Variants in RNF216 observed in about 807,000 individuals in gnomAD.
The protein encoded by RNF216 is E3 ubiquitin-protein ligase RNF216.
Under a neutral mutation model 110.8 loss-of-function variants are expected in RNF216, and 72 were observed. That is an observed-to-expected ratio of 0.65 (90% CI 0.54 to 0.79). The LOEUF is 0.79. RNF216 is among the 30% of genes least tolerant of loss of function. RNF216 has a pLI of 0.00. For synonymous variants in RNF216, 495 were observed against 407.5 expected (o/e 1.21, Z -2.59); for missense variants, 1,342 against 1,141.2 (o/e 1.18, Z -2.54).
In RNF216 at chr7:5,680,703, T is replaced by C. The variant is rs778006798; in HGVS notation, c.2062-28193A>G. On this transcript the variant is annotated intron_variant, in intron 13 of 16. Transcript: ENST00000389902. The surrounding 1 kb of genome is among the most constrained non-coding windows in gnomAD (Gnocchi z 4.3). ...AGGTGTGAGCCACCGCGCCCAGCAC[T>C]CAACACTTCTACTTGGATATCTAAA... Among the ~76,000 whole-genome samples the C allele has an allele frequency of 3.9e-5, 6 of 151,940 alleles. No homozygotes were observed. The highest frequency in any genetic ancestry group is 5.9e-5 in the Non-Finnish European group (4 of 67,994).
chr7:5,718,916 C>A (rs1793237671), intron 9 of RNF216, among the ~76,000 whole-genome samples: 1 of 152,026 alleles, frequency 6.6e-6, no homozygotes, highest in South Asian at 2.1e-4. Flanking sequence ...CCTTGGCCTC[C>A]CAAAGTGCTG....
Position 5,739,244 on chromosome 7 carries a change from C to G in RNF216, c.1121+32G>C, listed in dbSNP as rs535974237. On this transcript the variant is annotated intron_variant, in intron 5 of 16. Transcript: ENST00000389902. ...TACATATATTTTACCACCACCACCA[C>G]CACCACAAAAAAAGCATGGTAGTAT... 25 of 1,508,414 alleles carry G rather than the reference C, an allele frequency of 1.7e-5. No individual in the cohort carries two copies. The African/African-American group carries it at 2.7e-4, about 16-fold the overall frequency. The allele number at this position is 1,508,414 out of a possible 1,614,324, so 93.4% of individuals were successfully genotyped here.
At chr7:5,630,265 A>C (rs1444935217) in intron 15 of RNF216, among the ~76,000 whole-genome samples, 2 of 152,250 alleles carry the variant, frequency 1.3e-5, no homozygotes, top group East Asian at 1.9e-4. Context: ...CACGGGAAGA[A>C]CTACAACTCT....
At chr7:5,658,817 T>C (rs998332371) in intron 13 of RNF216, among the ~76,000 whole-genome samples, 7 of 152,146 alleles carry the variant, frequency 4.6e-5, no homozygotes, top group Non-Finnish European at 7.4e-5. Flanking sequence ...AATAAACACA[T>C]ACGCTGGGGG....
chr7:5,701,920 C>T (rs1053317766), intron 13 of RNF216, among the ~76,000 whole-genome samples: 101 of 152,296 alleles, frequency 6.6e-4, no homozygotes, highest in African/African-American at 2.3e-3. Context: ...ACAGGAGGTT[C>T]GTGACTGGTC....
intron 1 of RNF216, among the ~76,000 whole-genome samples, chr7:5,773,452 A>G (rs960004458): frequency 6.6e-6 from 1 of 152,180 alleles, no homozygotes; most frequent in Non-Finnish European, 1.5e-5. Flanking sequence ...CATGTTGGCC[A>G]GGCTGGTTTC....
At chr7:5,710,620 T>C (rs1340076537) in intron 13 of RNF216, among the ~76,000 whole-genome samples, 3 of 152,236 alleles carry the variant, frequency 2.0e-5, no homozygotes, top group South Asian at 2.1e-4. Context: ...CTCAGGACAG[T>C]GTGCTGCATG....
At chr7:5,711,739 AG>A in intron 13 of RNF216, 21 bp downstream of exon 13, 1 of 1,599,548 alleles carries the variant, frequency 6.3e-7, no homozygotes, top group Non-Finnish European at 8.5e-7. Flanking sequence ...ATATACATCT[AG>A]AAAAAAATGT....
chr7:5,627,673 G>A (rs1469959486), intron 15 of RNF216, among the ~76,000 whole-genome samples: 1 of 152,028 alleles, frequency 6.6e-6, no homozygotes, highest in Admixed American at 6.5e-5. Context: ...CTTGAACCTG[G>A]GAGGTGGAGG....
intron 12 of RNF216, 99 bp downstream of exon 12, chr7:5,712,616 T>C (rs767799044): frequency 5.2e-5 from 63 of 1,200,116 alleles, no homozygotes; most frequent in Non-Finnish European, 6.8e-5. Flanking sequence ...TCAAAAAACC[T>C]GGAAGATAAA....
intron 3 of RNF216, 149 bp from the exon 4 acceptor site, chr7:5,741,964 C>T (rs530615579): frequency 7.1e-5 from 56 of 790,000 alleles, no homozygotes; most frequent in Middle Eastern, 3.5e-4. Flanking sequence ...TATCTTAACA[C>T]TGAAATTTGA....
intron 15 of RNF216, among the ~76,000 whole-genome samples, chr7:5,632,935 C>G (rs989552441): frequency 3.9e-5 from 6 of 152,148 alleles, no homozygotes; most frequent in African/African-American, 1.4e-4. Flanking sequence ...AGGGTCAAAG[C>G]AGAGAGTGAA....
At chr7:5,661,313 G>A (rs568699952) in intron 13 of RNF216, among the ~76,000 whole-genome samples, 31 of 151,834 alleles carry the variant, frequency 2.0e-4, no homozygotes, top group Admixed American at 1.7e-3. Context: ...AGCTCATGGC[G>A]GTCTCCTCAG....
intron 1 of RNF216, among the ~76,000 whole-genome samples, chr7:5,773,913 A>G (rs1420144376): frequency 6.6e-6 from 1 of 152,130 alleles, no homozygotes; most frequent in Non-Finnish European, 1.5e-5. Flanking sequence ...GCTTCCTTCA[A>G]TTTTACACTG....
At chr7:5,681,922 T>C (rs1257908883) in intron 13 of RNF216, among the ~76,000 whole-genome samples, 2 of 152,124 alleles carry the variant, frequency 1.3e-5, no homozygotes, top group Non-Finnish European at 2.9e-5. Context: ...TAACCCCCAG[T>C]GGTTTTCTAA....
intron 11 of RNF216, among the ~76,000 whole-genome samples, chr7:5,714,065 C>T (rs569406339): frequency 9.9e-5 from 15 of 152,258 alleles, no homozygotes; most frequent in Non-Finnish European, 1.8e-4. Flanking sequence ...TGCAGTGGTG[C>T]GATCTCAGCT....
At chr7:5,675,311 G>A (rs1405228324) in intron 13 of RNF216, among the ~76,000 whole-genome samples, 2 of 152,144 alleles carry the variant, frequency 1.3e-5, no homozygotes, top group African/African-American at 4.8e-5. Flanking sequence ...GAGGGGACAG[G>A]CTTTCCTGGG....
intron 9 of RNF216, 24 bp from the exon 10 acceptor site, chr7:5,716,790 T>C: frequency 1.3e-6 from 2 of 1,591,772 alleles, no homozygotes; most frequent in South Asian, 1.1e-5. Context: ...AAGGCACACA[T>C]TCAGACACAA....
In RNF216 at chr7:5,698,387, A is replaced by ACACG. The variant is rs1453385794; in HGVS notation, c.2061+13373_2061+13374insCGTG. Among the ~76,000 whole-genome samples the ACACG allele has an allele frequency of 1.4e-4, 20 of 146,692 alleles. 2 individuals carry two copies. Among genetic ancestry groups the ACACG allele is most frequent in the African/African-American group, 4.9e-4 (19 of 38,810 alleles). On this transcript the variant is annotated intron_variant, in intron 13 of 16. Transcript: ENST00000389902. ...TGAGCTGTCTTAGATTCTTTTATACACACACACACACACACACACACACAC... is the reference window on the plus strand; with the variant it reads ...TGAGCTGTCTTAGATTCTTTTATACACACGCACACACACACACACACACACACAC...
Sources: gnomAD v4.1 joint callset for allele counts (sites outside exome capture counted in the v4.1 genomes callset) on GRCh38, gnomAD v4.1.1 for gene constraint, Gnocchi (gnomAD v3.1) non-coding constraint, MANE v1.5 for transcripts, NCBI Gene and HGNC (gene_info 2026-07-23, HGNC 2026-07-21) for gene names.